The following PPL variants were observed in gnomAD, a reference collection of about 807,000 sequenced individuals.
PPL encodes the protein 190 kDa paraneoplastic pemphigus antigen.
A neutral mutation model predicts 194.4 loss-of-function variants in PPL; 198 were observed. The observed-to-expected ratio is 1.02, with a 90% CI of 0.91 to 1.15. The LOEUF (loss-of-function observed/expected upper bound fraction) is 1.15. PPL is among the 50% of genes most tolerant of loss of function. The pLI is 0.00. For synonymous variants in PPL, 1,220 were observed against 972.4 expected (o/e 1.25, Z -4.74); for missense variants, 2,885 against 2,294.8 (o/e 1.26, Z -5.25).
At chr16:4,924,847 G>A (rs540529598) in intron 1 of PPL, among the ~76,000 whole-genome samples, 11 of 152,340 alleles carry the variant, frequency 7.2e-5, no homozygotes, top group Admixed American at 2.0e-4. Flanking sequence ...CAGCCACCCC[G>A]GTAACAGATC....
chr16:4,890,963 C>T (rs376639205), intron 16 of PPL, 42 bp from the exon 17 acceptor site: 6 of 1,463,922 alleles, frequency 4.1e-6, no homozygotes, highest in Admixed American at 5.3e-5. Context: ...ACGGCCAGAG[C>T]TCCCAGAGCC....
chr16:4,921,181 C>T (rs1202030453), intron 1 of PPL, among the ~76,000 whole-genome samples: 1 of 152,238 alleles, frequency 6.6e-6, no homozygotes, highest in East Asian at 1.9e-4. Context: ...GCCTGGTCTG[C>T]ATATGAGGCT....
At chr16:4,891,781 G>T in intron 16 of PPL, 30 bp downstream of exon 16, 1 of 1,583,874 alleles carries the variant, frequency 6.3e-7, no homozygotes, top group Non-Finnish European at 8.6e-7. Context: ...GCTCAGAGAA[G>T]GACTCCCAGG....
intron 1 of PPL, among the ~76,000 whole-genome samples, chr16:4,928,199 T>C (rs903548311): frequency 2.0e-5 from 3 of 152,246 alleles, no homozygotes; most frequent in South Asian, 2.1e-4. Context: ...CTGAAGTGCA[T>C]TGCTGCACTT....
chr16:4,883,585 G>A lies in PPL; in HGVS notation c.5070C>T (p.Ser1690=). The change falls in exon 22 of 22, where the codon AGC becomes AGT. Residue 1690 remains serine, a synonymous_variant. Transcript: ENST00000345988. This position sits in a 1 kb window ranked among gnomAD's most constrained non-coding sequence, Gnocchi z 4.8. ...AGATCTCCTCCCAGTCGCACTCCTGGCTTCTGAGTTTCACGAACATGTTCC... is the reference window on the plus strand; with the variant it reads ...AGATCTCCTCCCAGTCGCACTCCTGACTTCTGAGTTTCACGAACATGTTCC... The part of the protein sequence containing the change: ...IDWNMFVKLR[S]QECDWEEISV... 1 of 1,614,150 alleles carries A rather than the reference G, an allele frequency of 6.2e-7. No individual in the cohort carries two copies. Among genetic ancestry groups the A allele is most frequent in the Non-Finnish European group, 8.5e-7 (1 of 1,180,008 alleles).
intron 16 of PPL, chr16:4,891,561 G>C (rs2088319751): frequency 2.5e-6 from 1 of 404,434 alleles, no homozygotes; most frequent in Non-Finnish European, 4.4e-6. Context: ...TTACAGGCAT[G>C]TGCCACTACA....
chr16:4,894,749 G>T (rs1418018328), intron 11 of PPL, 131 bp from the exon 12 acceptor site: 2 of 1,032,754 alleles, frequency 1.9e-6, no homozygotes, highest in East Asian at 5.2e-5. Context: ...CCCGTAGAGT[G>T]GGGAGGGGCA....
chr16:4,925,441 A>G (rs13380470), intron 1 of PPL, among the ~76,000 whole-genome samples: 3,571 of 152,318 alleles, frequency 0.023, 138 homozygotes, highest in African/African-American at 0.082. Context: ...CCTTTTGTGC[A>G]TCACCCATTG....
intron 21 of PPL, 85 bp downstream of exon 21, chr16:4,887,050 T>C: frequency 8.4e-7 from 1 of 1,194,302 alleles, no homozygotes; most frequent in Non-Finnish European, 1.2e-6. Flanking sequence ...TTCCATCAAT[T>C]CACAAACCAT....
In PPL at chr16:4,914,744, G is replaced by A. The variant is rs188491690; in HGVS notation, c.63-3795C>T. Among the ~76,000 whole-genome samples the A allele has an allele frequency of 2.0e-4, 30 of 152,310 alleles. No homozygotes were observed. The East Asian group carries it at 2.3e-3, about 12-fold the overall frequency. Reference sequence around the variant, plus strand: ...GCAGTGGAGAAAGCCAGTGTTTGGCGGGGTGGCCAGGAAGGCTTAGCAGTG... The same window carrying A: ...GCAGTGGAGAAAGCCAGTGTTTGGCAGGGTGGCCAGGAAGGCTTAGCAGTG... On this transcript the variant is annotated intron_variant, in intron 1 of 21. Coordinates refer to ENST00000345988, the MANE Select transcript of PPL (RefSeq NM_002705.5).
chr16:4,910,029 C>T (rs1359015063), intron 2 of PPL, among the ~76,000 whole-genome samples: 2 of 152,126 alleles, frequency 1.3e-5, no homozygotes, highest in African/African-American at 4.8e-5. Flanking sequence ...GGGTACAAAA[C>T]AGGCATCAAC....
At chr16:4,926,874 G>A (rs1185514232) in intron 1 of PPL, among the ~76,000 whole-genome samples, 6 of 27,212 alleles carry the variant, frequency 2.2e-4, no homozygotes, top group Non-Finnish European at 5.5e-4. Flanking sequence ...GCAAGACTCT[G>A]TCTCAAAAAA....
chr16:4,891,588 T>G, intron 16 of PPL: 1 of 531,394 alleles, frequency 1.9e-6, no homozygotes, highest in Non-Finnish European at 3.3e-6. Flanking sequence ...ATTGCAGATA[T>G]TTGATCTTAA....
At position 4,884,242 on chromosome 16, in the gene PPL, G is replaced by T. The variant is rs139258240; in HGVS notation, c.4413C>A (p.His1471Gln). 8.7e-5 allele frequency: 141 copies of T among 1,613,372 alleles called. No individual in the cohort carries two copies. Among genetic ancestry groups the T allele is most frequent in the Non-Finnish European group, 1.2e-4 (139 of 1,179,860 alleles). Reference sequence around the variant, plus strand: ...GCTCCCCCTCCAGGAGCTGCCGCCGGTGCTGCTCTTCTTCCAGCTGGAGTC... The same window carrying T: ...GCTCCCCCTCCAGGAGCTGCCGCCGTTGCTGCTCTTCTTCCAGCTGGAGTC... ...LLRLQLEEEQ[H>Q]RRQLLEGELE... is the part of the protein sequence containing the mutation. Residue 1471 changes from histidine (H) to glutamine (Q), a missense_variant, in exon 22 of 22, where the codon CAC becomes CAA. Transcript: ENST00000345988. This position sits in a 1 kb window ranked among gnomAD's most constrained non-coding sequence, Gnocchi z 5.7.
rs751987206 is a variant in PPL, at chr16:4,889,713, C to T, written c.2313+471G>A. Among the ~76,000 whole-genome samples, 6 of 152,246 alleles carry T rather than the reference C, an allele frequency of 3.9e-5. No homozygotes were observed. The South Asian group carries it at 1.0e-3, about 26-fold the overall frequency. Reference sequence around the variant, plus strand: ...TCAAACGATGCCAGGAGGTAAGCATCGTGACCTCCAGCTTATGAGTGAGGA... The same window carrying T: ...TCAAACGATGCCAGGAGGTAAGCATTGTGACCTCCAGCTTATGAGTGAGGA... On this transcript the variant is annotated intron_variant, in intron 18 of 21. Coordinates refer to ENST00000345988, the MANE Select transcript of PPL (RefSeq NM_002705.5).
At position 4,937,036 on chromosome 16, in the gene PPL, G is replaced by A; in HGVS notation, c.10C>T (p.Leu4Phe). 1 of 1,511,300 alleles carries A rather than the reference G, an allele frequency of 6.6e-7. No individual in the cohort carries two copies. Among genetic ancestry groups the A allele is most frequent in the Non-Finnish European group, 8.9e-7 (1 of 1,125,996 alleles). The allele number at this position is 1,511,300 out of a possible 1,614,324, so 93.6% of individuals were successfully genotyped here. MNS[L>F]FRKRNKGKYS... ...TTGCCTTTGTTTCTCTTCCTGAAGAGCGAGTTCATGGTGGCGCTCGGGGTG... is the reference window on the plus strand; with the variant it reads ...TTGCCTTTGTTTCTCTTCCTGAAGAACGAGTTCATGGTGGCGCTCGGGGTG... Residue 4 changes from leucine to phenylalanine, a missense_variant, in exon 1 of 22, where the codon CTC (leucine) becomes TTC (phenylalanine). Transcript: ENST00000345988.
chr16:4,903,266 G>A (rs1034455442), intron 3 of PPL, among the ~76,000 whole-genome samples: 5 of 152,044 alleles, frequency 3.3e-5, no homozygotes, highest in Admixed American at 2.0e-4. Context: ...ACTGGGAGTC[G>A]TGAGCCAAGG....
chr16:4,903,171 G>A (rs1354442483), intron 3 of PPL, among the ~76,000 whole-genome samples: 2 of 152,164 alleles, frequency 1.3e-5, no homozygotes, highest in South Asian at 2.1e-4. Flanking sequence ...GTGGGGCACC[G>A]AGAGAGCCCT....
At chr16:4,929,624 A>G (rs2089202816) in intron 1 of PPL, among the ~76,000 whole-genome samples, 1 of 152,224 alleles carries the variant, frequency 6.6e-6, no homozygotes, top group Non-Finnish European at 1.5e-5. Flanking sequence ...ATTGTTCATT[A>G]TCCTTTCAGG....
Sources: allele counts gnomAD v4.1 joint callset (sites outside exome capture counted in the v4.1 genomes callset), GRCh38; gene constraint gnomAD v4.1.1; non-coding constraint Gnocchi (gnomAD v3.1); transcripts MANE v1.5; gene names NCBI Gene and HGNC (gene_info 2026-07-23, HGNC 2026-07-21).